Variants in ZNF469 observed in about 807,000 individuals in gnomAD.
ZNF469 encodes the protein zinc finger protein 469.
A neutral mutation model predicts 1.0 loss-of-function variants in ZNF469; 1 was observed. That is an observed-to-expected ratio of 1.00 (90% CI 0.35 to 4.73). The LOEUF is 4.73. Among genes scored for constraint, ZNF469 ranks in the 30% most tolerant of loss-of-function variants. The pLI is 0.16. For synonymous variants in ZNF469, 2,703 were observed against 2,363.4 expected, an observed-to-expected ratio of 1.14 and a Z score of -4.17; for missense variants, 6,100 against 5,356.3, an observed-to-expected ratio of 1.14 and a Z score of -4.33.
At chr16:88,411,704 G>A (rs1905173421) in intron 1 of ZNF469, among the ~76,000 whole-genome samples, 1 of 152,184 alleles carries the variant, frequency 6.6e-6, no homozygotes, top group Non-Finnish European at 1.5e-5. Context: ...CAGGGTGGAT[G>A]CCAGCCCAAG....
Position 88,434,739 on chromosome 16 carries a change from C to G in ZNF469, c.7269C>G (p.Pro2423=), listed in dbSNP as rs560708919. 20 of 1,550,308 alleles carry G rather than the reference C, an allele frequency of 1.3e-5. No individual in the cohort carries two copies. Among genetic ancestry groups the G allele is most frequent in the South Asian group, 4.8e-5 (4 of 84,072 alleles). ...CCAGTGACTTCCAGTCTGACTCCCCCCAAAGCCACAGAAATGCCTCCCACC... is the reference window on the plus strand; with the variant it reads ...CCAGTGACTTCCAGTCTGACTCCCCGCAAAGCCACAGAAATGCCTCCCACC... ...STASDFQSDS[P]QSHRNASHQT... Residue 2423 remains proline, a synonymous_variant, in exon 3 of 3, where the codon CCC becomes CCG. Coordinates refer to ENST00000565624, the MANE Select transcript of ZNF469 (RefSeq NM_001367624.2).
intron 1 of ZNF469, among the ~76,000 whole-genome samples, chr16:88,399,706 G>A (rs533965078): frequency 6.6e-6 from 1 of 152,364 alleles, no homozygotes; most frequent in East Asian, 1.9e-4. Flanking sequence ...TATGTGAGCT[G>A]CCCCCAGCCT....
Position 88,431,135 on chromosome 16 carries a change from C to T in ZNF469, c.3665C>T (p.Pro1222Leu), listed in dbSNP as rs553831899. Reference sequence around the variant, plus strand: ...GAAACCCGCCCGTCGCTGGACTTTCCCCAGGAGGCCAAGGAGCCTGAAACT... The same window carrying T: ...GAAACCCGCCCGTCGCTGGACTTTCTCCAGGAGGCCAAGGAGCCTGAAACT... ...SEETRPSLDFPQEAKEPETAE... is the reference protein window; with the variant it reads ...SEETRPSLDFLQEAKEPETAE... The change falls in exon 3 of 3, where the codon CCC becomes CTC. Residue 1222 changes from proline to leucine, a missense_variant. By Grantham distance (98) the Pro-to-Leu change is moderately conservative (BLOSUM62 -3). Transcript: ENST00000565624. 6 of 1,550,274 alleles carry T rather than the reference C, an allele frequency of 3.9e-6. No individual in the cohort carries two copies. In the African/African-American group the frequency reaches 8.2e-5, roughly 21 times the overall value.
the ZNF469 span, among the ~76,000 whole-genome samples, chr16:88,220,152 C>T: frequency 6.6e-6 from 1 of 152,132 alleles, no homozygotes; most frequent in African/African-American, 2.4e-5. Flanking sequence ...CATTCCCACC[C>T]AGAACCTGCT....
the ZNF469 span, among the ~76,000 whole-genome samples, chr16:88,277,422 A>C: frequency 6.8e-6 from 1 of 147,182 alleles, no homozygotes; most frequent in African/African-American, 2.5e-5. Context: ...ATATCAGTGC[A>C]CGGTTAGTGC....
chr16:88,129,937 G>A, the ZNF469 span, among the ~76,000 whole-genome samples: 1 of 152,206 alleles, frequency 6.6e-6, no homozygotes, highest in Non-Finnish European at 1.5e-5. Context: ...GGCATGCTTT[G>A]GTCTTTGGTT....
the ZNF469 span, among the ~76,000 whole-genome samples, chr16:88,171,445 C>T: frequency 6.6e-6 from 1 of 152,246 alleles, no homozygotes; most frequent in Non-Finnish European, 1.5e-5. Flanking sequence ...CCAGCCTGCC[C>T]TGCTGTATCT....
rs936976278 is a variant in ZNF469, at chr16:88,431,333, C to T, written c.3863C>T (p.Ala1288Val). 2.6e-6 allele frequency: 4 copies of T among 1,549,524 alleles called. No individual in the cohort carries two copies. Among genetic ancestry groups the T allele is most frequent in the Non-Finnish European group, 3.5e-6 (4 of 1,146,592 alleles). ...CCGTCGGGAAGCCTCGCCAACACGG[C>T]GCCCCACGGAAGCTCGCCAACGCCA... ...PKPSGSLANT[A>V]PHGSSPTPGV... Residue 1288 changes from alanine to valine, a missense_variant, in exon 3 of 3, where the codon GCG (alanine) becomes GTG (valine). By Grantham distance (64) the Ala-to-Val change is moderately conservative. Coordinates refer to ENST00000565624, the MANE Select transcript of ZNF469 (RefSeq NM_001367624.2).
At chr16:88,331,261 T>C in the ZNF469 span, among the ~76,000 whole-genome samples, 50 of 147,392 alleles carry the variant, frequency 3.4e-4, no homozygotes, top group African/African-American at 1.2e-3. Context: ...ACCATCACCA[T>C]CACCTTCATA....
the ZNF469 span, among the ~76,000 whole-genome samples, chr16:88,259,293 G>A: frequency 6.6e-6 from 1 of 150,984 alleles, no homozygotes; most frequent in African/African-American, 2.4e-5. This position sits in a 1 kb window ranked among gnomAD's most constrained non-coding sequence, Gnocchi z 4.1. Context: ...TCCTCGGTGG[G>A]TCAGGAAGGG....
At chr16:88,188,378 G>C in the ZNF469 span, among the ~76,000 whole-genome samples, 1 of 152,160 alleles carries the variant, frequency 6.6e-6, no homozygotes, top group East Asian at 1.9e-4. Flanking sequence ...CTGGGGTGTC[G>C]TACTGTCATC....
At chr16:88,150,745 G>A in the ZNF469 span, among the ~76,000 whole-genome samples, 1 of 143,276 alleles carries the variant, frequency 7.0e-6, no homozygotes, top group East Asian at 2.1e-4. Flanking sequence ...TCGAGTTTCC[G>A]GACTTTGGGA....
chr16:88,357,886 T>C, the ZNF469 span, among the ~76,000 whole-genome samples: 1 of 152,178 alleles, frequency 6.6e-6, no homozygotes, highest in Non-Finnish European at 1.5e-5. Flanking sequence ...CAGGGCCTGT[T>C]GGGAGGACGG....
chr16:88,233,748 T>A, the ZNF469 span, among the ~76,000 whole-genome samples: 113,613 of 152,168 alleles, frequency 0.75, 44,095 homozygotes, highest in Middle Eastern at 0.87. Context: ...TGGAGGCAGA[T>A]CTGTTTCAGG....
the ZNF469 span, among the ~76,000 whole-genome samples, chr16:88,366,881 A>G: frequency 1.3e-5 from 2 of 152,092 alleles, no homozygotes; most frequent in Non-Finnish European, 2.9e-5. Context: ...CACCACCACC[A>G]TCATCACCGT....
At chr16:88,352,117 G>A in the ZNF469 span, among the ~76,000 whole-genome samples, 1 of 152,150 alleles carries the variant, frequency 6.6e-6, no homozygotes, top group Non-Finnish European at 1.5e-5. Context: ...GCGAGGGGCT[G>A]GGGGCGGGGG....
the ZNF469 span, among the ~76,000 whole-genome samples, chr16:88,124,957 G>T: frequency 6.6e-6 from 1 of 152,216 alleles, no homozygotes; most frequent in African/African-American, 2.4e-5. Flanking sequence ...AAAAAAATTT[G>T]TCTATCTCAG....
chr16:88,437,405 C>A lies in ZNF469; in HGVS notation c.9935C>A (p.Ser3312Tyr), dbSNP rs960368050. The change falls in exon 3 of 3, where the codon TCC becomes TAC. Residue 3312 changes from serine (S) to tyrosine (Y), a missense_variant. Transcript: ENST00000565624. ...PGPPRTTPSP[S>Y]PDPWAGGEPL... Reference sequence around the variant, plus strand: ...CCCCCCAGGACGACCCCCAGCCCGTCCCCCGACCCCTGGGCCGGCGGGGAG... The same window carrying A: ...CCCCCCAGGACGACCCCCAGCCCGTACCCCGACCCCTGGGCCGGCGGGGAG... 2 of 1,526,810 alleles carry A rather than the reference C, an allele frequency of 1.3e-6. No homozygotes were observed. The highest frequency in any genetic ancestry group is 2.5e-5 in the East Asian group (1 of 39,794). 94.6% of individuals were successfully genotyped at this position (1,526,810 alleles called of 1,614,324 possible).
the ZNF469 span, among the ~76,000 whole-genome samples, chr16:88,157,660 T>C: frequency 6.6e-6 from 1 of 152,054 alleles, no homozygotes; most frequent in South Asian, 2.1e-4. Flanking sequence ...CAGGAAAGTT[T>C]ATTTGGTTGG....
Sources: gnomAD v4.1 joint callset for allele counts (sites outside exome capture counted in the v4.1 genomes callset) on GRCh38, gnomAD v4.1.1 for gene constraint, Gnocchi (gnomAD v3.1) non-coding constraint, MANE v1.5 for transcripts, NCBI Gene and HGNC (gene_info 2026-07-23, HGNC 2026-07-21) for gene names.